SGCZ: variants seen among roughly 807,000 people sequenced by gnomAD.
The protein encoded by SGCZ is sarcoglycan zeta, also known as zeta-sarcoglycan.
In SGCZ, 40 loss-of-function variants were observed where a neutral mutation model predicts 41.3. The observed-to-expected ratio is 0.97, with a 90% confidence interval of 0.75 to 1.26. The LOEUF is 1.26. Ranked by LOEUF, SGCZ falls within the 50% of genes most tolerant of loss-of-function variation. The pLI is 0.00. For synonymous variants in SGCZ, 206 were observed against 137.5 expected, an observed-to-expected ratio of 1.50 and a Z score of -3.49; for missense variants, 552 against 369.8, an observed-to-expected ratio of 1.49 and a Z score of -4.04.
chr8:14,947,661 TTAAG>T (rs1274235750), intron 1 of SGCZ, among the ~76,000 whole-genome samples: 1 of 152,210 alleles, frequency 6.6e-6, no homozygotes. Context: ...GCAAATATCA[TTAAG>T]TATTTTATTC....
intron 5 of SGCZ, among the ~76,000 whole-genome samples, chr8:14,131,790 T>A (rs912966448): frequency 5.9e-5 from 9 of 152,210 alleles, no homozygotes; most frequent in Non-Finnish European, 1.3e-4. Flanking sequence ...TGTATTTTTA[T>A]AGTACATTTT....
intron 1 of SGCZ, among the ~76,000 whole-genome samples, chr8:14,706,517 A>G (rs1347085118): frequency 6.6e-6 from 1 of 152,086 alleles, no homozygotes; most frequent in East Asian, 1.9e-4. Flanking sequence ...GAGTTCGTCC[A>G]TTTCATATTC....
chr8:14,198,314 C>G (rs183485147), intron 4 of SGCZ, among the ~76,000 whole-genome samples: 64 of 152,110 alleles, frequency 4.2e-4, no homozygotes, highest in Non-Finnish European at 6.9e-4. Context: ...TCCAAGTAAC[C>G]CTTATTATAC....
intron 1 of SGCZ, among the ~76,000 whole-genome samples, chr8:15,072,026 C>G (rs1381626884): frequency 5.3e-5 from 8 of 152,096 alleles, no homozygotes; most frequent in Admixed American, 5.2e-4. Context: ...GCATTGGCCC[C>G]AGCATCGGAA....
chr8:14,663,661 T>G (rs1442864251), intron 1 of SGCZ, among the ~76,000 whole-genome samples: 1 of 152,152 alleles, frequency 6.6e-6, no homozygotes, highest in Non-Finnish European at 1.5e-5. Flanking sequence ...ATGAGCTACT[T>G]TTATTTTTTT....
intron 1 of SGCZ, among the ~76,000 whole-genome samples, chr8:14,612,562 C>G (rs1805963603): frequency 6.6e-6 from 1 of 152,086 alleles, no homozygotes; most frequent in African/African-American, 2.4e-5. Context: ...TTGGATTAGT[C>G]AGAACCTAGA....
intron 1 of SGCZ, among the ~76,000 whole-genome samples, chr8:14,671,148 T>A (rs891719859): frequency 1.3e-5 from 2 of 152,208 alleles, no homozygotes; most frequent in Non-Finnish European, 2.9e-5. Context: ...TAGGACTGAG[T>A]CATCCATTTA....
chr8:15,002,059 G>T (rs1005122766), intron 1 of SGCZ, among the ~76,000 whole-genome samples: 1 of 152,114 alleles, frequency 6.6e-6, no homozygotes, highest in Non-Finnish European at 1.5e-5. Context: ...AAAAATTGTT[G>T]CATAGAGTTG....
intron 1 of SGCZ, among the ~76,000 whole-genome samples, chr8:14,946,052 A>ATATATATATATATATG (rs1800434647): frequency 1.0e-5 from 1 of 97,758 alleles, no homozygotes; most frequent in Non-Finnish European, 2.0e-5. Flanking sequence ...ATATATATAT[A>ATATATATATATATATG]TATGAATCAT....
chr8:14,391,810 G>C (rs1804785777), intron 2 of SGCZ, among the ~76,000 whole-genome samples: 1 of 152,146 alleles, frequency 6.6e-6, no homozygotes, highest in East Asian at 1.9e-4. Flanking sequence ...AGGAAGCATA[G>C]CAGCTTCTGG....
At chr8:14,940,747 G>T (rs887944687) in intron 1 of SGCZ, among the ~76,000 whole-genome samples, 12 of 152,028 alleles carry the variant, frequency 7.9e-5, no homozygotes, top group Non-Finnish European at 1.3e-4. Flanking sequence ...AATGAAGTGT[G>T]TATGTGTGTG....
chr8:14,675,491 T>C (rs1808246139), intron 1 of SGCZ, among the ~76,000 whole-genome samples: 1 of 152,176 alleles, frequency 6.6e-6, no homozygotes, highest in African/African-American at 2.4e-5. Context: ...GGCTTATTTA[T>C]TGACCACTGT....
intron 1 of SGCZ, among the ~76,000 whole-genome samples, chr8:14,828,014 G>C (rs1383608079): frequency 1.3e-5 from 2 of 152,190 alleles, no homozygotes; most frequent in Admixed American, 6.5e-5. Context: ...TGTTTAACAT[G>C]TCTGACAGGA....
At chr8:14,809,229 A>ATAAT (rs2130531356) in intron 1 of SGCZ, among the ~76,000 whole-genome samples, 1 of 152,328 alleles carries the variant, frequency 6.6e-6, no homozygotes, top group African/African-American at 2.4e-5. Flanking sequence ...TTAAAGTATA[A>ATAAT]TAATAAAAGA....
chr8:14,375,176 G>C (rs1563288306), intron 2 of SGCZ, among the ~76,000 whole-genome samples: 1 of 152,168 alleles, frequency 6.6e-6, no homozygotes, highest in African/African-American at 2.4e-5. Flanking sequence ...GTGATAAGAA[G>C]TGCAATGAAA....
At chr8:14,326,602 G>A (rs1171280463) in intron 2 of SGCZ, among the ~76,000 whole-genome samples, 3 of 152,058 alleles carry the variant, frequency 2.0e-5, no homozygotes, top group Non-Finnish European at 4.4e-5. Context: ...GTTCCTTGAG[G>A]CAAGTGAAAA....
chr8:14,139,149 A>G (rs535148071), intron 5 of SGCZ, among the ~76,000 whole-genome samples: 53 of 152,228 alleles, frequency 3.5e-4, no homozygotes, highest in African/African-American at 1.2e-3. Flanking sequence ...CCAATGAGAA[A>G]AAAAAGACAT....
At chr8:14,479,387 CA>C (rs1801457876) in intron 2 of SGCZ, among the ~76,000 whole-genome samples, 1 of 152,272 alleles carries the variant, frequency 6.6e-6, no homozygotes, top group East Asian at 1.9e-4. Flanking sequence ...TTTATTTCAG[CA>C]GCGTTCGCAG....
At chr8:14,577,162 T>A (rs748494180) in intron 1 of SGCZ, among the ~76,000 whole-genome samples, 1 of 152,192 alleles carries the variant, frequency 6.6e-6, no homozygotes, top group Non-Finnish European at 1.5e-5. Context: ...ACCAATTAAC[T>A]GGACAAATAA....
Sources: gnomAD v4.1 joint callset for allele counts (sites outside exome capture counted in the v4.1 genomes callset) on GRCh38, gnomAD v4.1.1 for gene constraint, MANE v1.5 for transcripts, NCBI Gene and HGNC (gene_info 2026-07-23, HGNC 2026-07-21) for gene names.